Variants in FBN3 observed in about 807,000 individuals in gnomAD.
The protein encoded by FBN3 is fibrillin 3.
Under a neutral mutation model 330.1 loss-of-function variants are expected in FBN3, and 234 were observed. The observed-to-expected ratio is 0.71, with a 90% confidence interval of 0.64 to 0.79. The LOEUF (loss-of-function observed/expected upper bound fraction) is 0.79. Ranked by LOEUF, FBN3 falls within the 30% of genes least tolerant of loss-of-function variation. The probability of loss-of-function intolerance (pLI) is 0.00; values close to 1 mark genes in which losing one functional copy is unlikely to be tolerated. For synonymous variants in FBN3, 1,458 were observed against 1,517.3 expected, an observed-to-expected ratio of 0.96 and a Z score of 0.91; for missense variants, 3,606 against 3,886.9, an observed-to-expected ratio of 0.93 and a Z score of 1.92.
rs1228896055 is a variant in FBN3 at position 8,073,115 on chromosome 19, G to A, written c.7885C>T (p.Pro2629Ser). 2 of 1,613,626 alleles carry A rather than the reference G, an allele frequency of 1.2e-6. No homozygotes were observed. The highest frequency in any genetic ancestry group is 1.7e-6 in the Non-Finnish European group (2 of 1,179,862). Reference protein sequence around the residue: ...GPCSYSCANTPGGFLCGCPQG... With the variant: ...GPCSYSCANTSGGFLCGCPQG... ...GGACAGCCGCACAGGAAGCCACCAG[G>A]CGTGTTGGCACAGCTGTAGCTACAG... Residue 2629 changes from proline (P) to serine (S), a missense_variant, in exon 62 of 64, where the codon CCT (proline) becomes TCT (serine). Pro to Ser is a moderately conservative substitution (Grantham distance 74). Coordinates refer to ENST00000600128, the MANE Select transcript of FBN3 (RefSeq NM_032447.5).
chr19:8,069,200 T>C (rs1180042375), intron 63 of FBN3, among the ~76,000 whole-genome samples: 1 of 152,186 alleles, frequency 6.6e-6, no homozygotes, highest in Non-Finnish European at 1.5e-5. Flanking sequence ...TTCCTGCATC[T>C]GGCCCTCTTT....
chr19:8,134,177 G>A lies in FBN3; in HGVS notation c.1592-1071C>T, dbSNP rs567700608. Among the ~76,000 whole-genome samples, 775 of 152,144 alleles carry A rather than the reference G, an allele frequency of 5.1e-3. 12 individuals carry two copies. The highest frequency in any genetic ancestry group is 0.018 in the African/African-American group (734 of 41,514). ...GAATGATGTGAACCCGGGAGGTGGA[G>A]GTTGCAGTGAGCCAGGATCACGCCA... On this transcript the variant is annotated intron_variant, in intron 13 of 63. Transcript: ENST00000600128.
At position 8,123,684 on chromosome 19, in the gene FBN3, C is replaced by T. The variant is rs977886159; in HGVS notation, c.2957-95G>A. On this transcript the variant is annotated intron_variant, in intron 23 of 63. Coordinates refer to ENST00000600128, the MANE Select transcript of FBN3 (RefSeq NM_032447.5). ...GGTTCTTAGTGCCTCGCCTTACCCA[C>T]ATCCCCTTTTCCCCCAAACACACTT... The T allele has an allele frequency of 4.8e-5, 76 of 1,594,988 alleles. No homozygotes were observed. In the South Asian group the frequency reaches 7.0e-4, roughly 15 times the overall value.
At chr19:8,123,625 C>T (rs1398829567) in intron 23 of FBN3, 36 bp from the exon 24 acceptor site, 1 of 1,611,594 alleles carries the variant, frequency 6.2e-7, no homozygotes, top group Admixed American at 1.7e-5. Flanking sequence ...CCTGACGTCC[C>T]CAAGCTCAGG....
chr19:8,084,099 T>G (rs2081877557), intron 56 of FBN3, among the ~76,000 whole-genome samples: 1 of 151,072 alleles, frequency 6.6e-6, no homozygotes, highest in Non-Finnish European at 1.5e-5. Context: ...ACCGCGGCCC[T>G]CCCCAGTCCT....
Position 8,080,549 on chromosome 19 carries a change from G to A in FBN3, c.7453+454C>T, listed in dbSNP as rs114897666. Among the ~76,000 whole-genome samples, 829 of 152,250 alleles carry A rather than the reference G, an allele frequency of 5.4e-3. 11 individuals carry two copies. Among genetic ancestry groups the A allele is most frequent in the African/African-American group, 0.019 (799 of 41,542 alleles). On this transcript the variant is annotated intron_variant, in intron 59 of 63. Coordinates refer to ENST00000600128, the MANE Select transcript of FBN3 (RefSeq NM_032447.5). ...GAGGTTCTAGATGCCTCCAGGAAGC[G>A]AGCACTAAGGAAGTAACGACTTTGT...
At chr19:8,079,929 C>G (rs112252003) in intron 59 of FBN3, among the ~76,000 whole-genome samples, 5 of 152,286 alleles carry the variant, frequency 3.3e-5, no homozygotes, top group African/African-American at 1.2e-4. Context: ...TGCCTCTAGT[C>G]TTGATTCTGT....
Position 8,138,531 on chromosome 19 carries a change from A to C in FBN3, c.899T>G (p.Phe300Cys). 1 of 1,612,108 alleles carries C rather than the reference A, an allele frequency of 6.2e-7. No homozygotes were observed. The highest frequency in any genetic ancestry group is 8.5e-7 in the Non-Finnish European group (1 of 1,179,874). The change falls in exon 9 of 64, where the codon TTC (phenylalanine) becomes TGC (cysteine). Residue 300 changes from phenylalanine (F) to cysteine (C), a missense_variant. By Grantham distance (205) the Phe-to-Cys change is radical. Coordinates refer to ENST00000600128, the MANE Select transcript of FBN3 (RefSeq NM_032447.5). The part of the protein sequence containing the change: ...YRAGACFSVL[F>C]GGRCAGDLAG... ...GAGGTCTCCAGCACAGCGGCCCCCGAAAAGCACTGAGAAGCAGGCGCCGGC... is the reference window on the plus strand; with the variant it reads ...GAGGTCTCCAGCACAGCGGCCCCCGCAAAGCACTGAGAAGCAGGCGCCGGC...
Position 8,088,174 on chromosome 19 carries a change from C to T in FBN3, c.6382G>A (p.Asp2128Asn). Residue 2128 changes from aspartate to asparagine, a missense_variant, in exon 52 of 64, where the codon GAC (aspartate) becomes AAC (asparagine). Asp to Asn is a conservative substitution (Grantham distance 23). Transcript: ENST00000600128. ...CAGGGGTGGCCGACAGAGCACTCGT[C>T]TGTGTCTGGGTGGGAGTAAGGGGGT... ...DFTGINCVDT[D>N]ECSVGHPCGQ... 1 of 1,598,600 alleles carries T rather than the reference C, an allele frequency of 6.3e-7. No individual in the cohort carries two copies. The highest frequency in any genetic ancestry group is 8.5e-7 in the Non-Finnish European group (1 of 1,170,764).
chr19:8,135,669 T>C (rs2083262070), intron 13 of FBN3, among the ~76,000 whole-genome samples: 1 of 152,066 alleles, frequency 6.6e-6, no homozygotes, highest in African/African-American at 2.4e-5. Context: ...GAGATTCTCC[T>C]GCCTCAGCCC....
At position 8,130,571 on chromosome 19, in the gene FBN3, A is replaced by G. The variant is rs530209803; in HGVS notation, c.2044+664T>C. Reference sequence around the variant, plus strand: ...GAAAGAGAGAGAGAGAGAGAAGGAAAGAAAGAAAGAATGAAAGAAAGAAAG... The same window carrying G: ...GAAAGAGAGAGAGAGAGAGAAGGAAGGAAAGAAAGAATGAAAGAAAGAAAG... On this transcript the variant is annotated intron_variant, in intron 16 of 63. Transcript: ENST00000600128. 1.8e-3 allele frequency among the ~76,000 whole-genome samples: 10 copies of G among 5,436 alleles called. 1 individual carries two copies. Among genetic ancestry groups the G allele is most frequent in the East Asian group, 3.0e-3 (2 of 668 alleles). 3.6% of individuals were successfully genotyped at this position (5,436 alleles called of 152,430 possible).
At chr19:8,110,792 C>T (rs1253662235) in intron 34 of FBN3, 53 bp downstream of exon 34, 2 of 1,610,420 alleles carry the variant, frequency 1.2e-6, no homozygotes, top group East Asian at 4.5e-5. Flanking sequence ...GCCATGTCCC[C>T]TGCCCCAACT....
rs1466644044 is a variant in FBN3 at position 8,069,182 on chromosome 19, C to T, written c.8088+2866G>A. 7.9e-5 allele frequency among the ~76,000 whole-genome samples: 12 copies of T among 152,280 alleles called. No homozygotes were observed. In the South Asian group the frequency reaches 8.3e-4, roughly 11 times the overall value. ...GACAGAAGAGCCGCCTGATAGCTTC[C>T]GCTGTGCTTCCTGCATCTGGCCCTC... On this transcript the variant is annotated intron_variant, in intron 63 of 63. Coordinates refer to ENST00000600128, the MANE Select transcript of FBN3 (RefSeq NM_032447.5).
rs199857801 is a variant in FBN3 at position 8,102,213 on chromosome 19, TA to T, written c.5089+510del. Reference sequence around the variant, plus strand: ...GTCCATTAAAGTCCTCCTTTTTTTTTATTTTTTTATTTTTTTTTTGAGATGG... The same window carrying T: ...GTCCATTAAAGTCCTCCTTTTTTTTTTTTTTTTATTTTTTTTTTGAGATGG... On this transcript the variant is annotated intron_variant, in intron 40 of 63. Coordinates refer to ENST00000600128, the MANE Select transcript of FBN3 (RefSeq NM_032447.5). 9.5e-3 allele frequency among the ~76,000 whole-genome samples: 1,323 copies of T among 138,880 alleles called. 8 individuals carry two copies. Among genetic ancestry groups the T allele is most frequent in the East Asian group, 0.054 (206 of 3,848 alleles). 91.1% of individuals were successfully genotyped at this position (138,880 alleles called of 152,430 possible).
At chr19:8,098,239 A>G (rs1453657699) in intron 41 of FBN3, among the ~76,000 whole-genome samples, 1 of 152,218 alleles carries the variant, frequency 6.6e-6, no homozygotes, top group African/African-American at 2.4e-5. Flanking sequence ...GACTTGAAAG[A>G]ACCTAAGTGT....
intron 30 of FBN3, among the ~76,000 whole-genome samples, chr19:8,114,247 TA>T (rs60145103): frequency 0.36 from 55,018 of 151,354 alleles, 10,888 homozygotes; most frequent in Middle Eastern, 0.48. Context: ...TCTTTTTAAT[TA>T]AAAAAAAGTT....
At chr19:8,135,107 T>A (rs895538516) in intron 13 of FBN3, among the ~76,000 whole-genome samples, 13 of 150,080 alleles carry the variant, frequency 8.7e-5, no homozygotes, top group Non-Finnish European at 1.6e-4. Context: ...GCCTCCTGAG[T>A]AGCTGGGACT....
intron 63 of FBN3, among the ~76,000 whole-genome samples, chr19:8,067,181 A>G (rs2081412727): frequency 6.9e-6 from 1 of 145,322 alleles, no homozygotes; most frequent in Admixed American, 7.1e-5. Context: ...GCTGGAGTGC[A>G]GTGACACGAT....
chr19:8,131,480 C>T lies in FBN3; in HGVS notation c.1990+74G>A, dbSNP rs2083145179. On this transcript the variant is annotated intron_variant, in intron 15 of 63. Transcript: ENST00000600128. The surrounding 1 kb of genome is among the most constrained non-coding windows in gnomAD (Gnocchi z 4.5). ...CCCCCACTCCATGGCAGCCATGACC[C>T]CCCACCAGAAGCGAGAACCGATGGA... 6 of 1,539,234 alleles carry T rather than the reference C, an allele frequency of 3.9e-6. No homozygotes were observed. The highest frequency in any genetic ancestry group is 1.7e-4 in the Middle Eastern group (1 of 5,720).
Sources: allele counts gnomAD v4.1 joint callset (sites outside exome capture counted in the v4.1 genomes callset), GRCh38; gene constraint gnomAD v4.1.1; non-coding constraint Gnocchi (gnomAD v3.1); transcripts MANE v1.5; gene names NCBI Gene and HGNC (gene_info 2026-07-23, HGNC 2026-07-21).